DMD: variants seen among roughly 807,000 people sequenced by gnomAD.
DMD encodes mutant dystrophin.
DMD carries 63 observed loss-of-function variants against 330.1 expected under a neutral mutation model. The ratio of observed to expected loss-of-function variants is 0.19; its 90% CI spans 0.16 to 0.24. The LOEUF is 0.24. Ranked by LOEUF, DMD falls within the 10% of genes least tolerant of loss-of-function variation. The pLI, the probability that DMD is intolerant of heterozygous loss-of-function variation, is 1.00. For synonymous variants in DMD, 1,223 were observed against 959.8 expected (o/e 1.27, Z -5.07); for missense variants, 3,344 against 2,684.1 (o/e 1.25, Z -5.43).
At chrX:31,266,985 G>C in intron 62 of DMD, 1 of 866,506 alleles carries the variant, frequency 1.2e-6, no homozygotes, top group Non-Finnish European at 1.6e-6. Context: ...GCCGGGGAGG[G>C]GGCGCTGCGG....
intron 52 of DMD, among the ~76,000 whole-genome samples, chrX:31,704,676 A>G (rs1214412467): frequency 8.9e-6 from 1 of 111,752 alleles, no homozygotes. Flanking sequence ...ACAAAAAGAC[A>G]CACATACGTT....
chrX:32,343,175 AT>A lies in DMD; in HGVS notation c.5697del (p.Lys1899AsnfsTer2), dbSNP rs794727661. On this transcript the variant is annotated frameshift_variant, in exon 40 of 79. Transcript: ENST00000357033. LOFTEE classifies it high-confidence loss of function. ...LLKCLDDIEKKLASLPEPRDE... is the reference protein window; with the variant it reads ...LLKCLDDIEKXLASLPEPRDE... ...TCTCTGGGCTCAGGTAGGCTGGCTA[AT>A]TTTTTTTCAATGTCATCCAAGCATT... 8.3e-7 allele frequency: 1 copy of A among 1,209,729 alleles called. No homozygotes were observed. The highest frequency in any genetic ancestry group is 1.7e-5 in the African/African-American group (1 of 57,581).
chrX:31,415,479 C>T (rs763247346), intron 60 of DMD, among the ~76,000 whole-genome samples: 2 of 111,679 alleles, frequency 1.8e-5, no homozygotes, highest in Non-Finnish European at 3.8e-5. Flanking sequence ...CTATGGAGTC[C>T]AGAGGTAGGG....
chrX:31,214,003 A>G (rs1334272383), intron 64 of DMD, among the ~76,000 whole-genome samples: 1 of 111,902 alleles, frequency 8.9e-6, no homozygotes, highest in Non-Finnish European at 1.9e-5. Context: ...CTAAGGAGCT[A>G]ACAAAATGGA....
chrX:31,400,336 T>C (rs1247869277), intron 60 of DMD, among the ~76,000 whole-genome samples: 1 of 111,173 alleles, frequency 9.0e-6, no homozygotes, highest in East Asian at 2.8e-4. Context: ...AAGCCCCTCC[T>C]TGCTTCAAGT....
At chrX:33,222,328 T>C (rs1401889257) in intron 1 of DMD, among the ~76,000 whole-genome samples, 1 of 111,931 alleles carries the variant, frequency 8.9e-6, no homozygotes, top group Non-Finnish European at 1.9e-5. Flanking sequence ...CTAAAAGCAT[T>C]TGACAAACTG....
At chrX:31,176,326 G>T (rs1426531977) in intron 71 of DMD, among the ~76,000 whole-genome samples, 1 of 111,495 alleles carries the variant, frequency 9.0e-6, no homozygotes, top group Non-Finnish European at 1.9e-5. Flanking sequence ...TTAAATAAAA[G>T]ATGTTATTAA....
chrX:33,084,231 A>C lies in DMD; in HGVS notation c.32-64031T>G, dbSNP rs140716911. Among the ~76,000 whole-genome samples the C allele has an allele frequency of 4.8e-3, 537 of 112,048 alleles. 11 individuals carry two copies. The highest frequency in any genetic ancestry group is 0.043 in the Admixed American group (460 of 10,590). On this transcript the variant is annotated intron_variant, in intron 1 of 78. Transcript: ENST00000357033. ...CATCACTGAAAGGGGGCCACCAAACAACAGGCAGGTAGCCACAGGGGCAAT... is the reference window on the plus strand; with the variant it reads ...CATCACTGAAAGGGGGCCACCAAACCACAGGCAGGTAGCCACAGGGGCAAT...
chrX:32,156,605 A>G (rs1399138540), intron 44 of DMD, among the ~76,000 whole-genome samples: 2 of 105,067 alleles, frequency 1.9e-5, no homozygotes, highest in Non-Finnish European at 3.9e-5. Context: ...GTGTGTGTAT[A>G]CGTATACTTT....
intron 1 of DMD, among the ~76,000 whole-genome samples, chrX:33,035,440 T>G (rs182223575): frequency 1.8e-5 from 2 of 111,701 alleles, no homozygotes; most frequent in African/African-American, 6.5e-5. Context: ...GCACTATTTT[T>G]TTGTTGTTGT....
At chrX:32,318,059 G>A (rs2097590435) in intron 41 of DMD, among the ~76,000 whole-genome samples, 1 of 110,677 alleles carries the variant, frequency 9.0e-6, no homozygotes, top group South Asian at 3.8e-4. Context: ...ATCCAAAATA[G>A]GACTGCAGGC....
intron 1 of DMD, chrX:33,041,260 T>C: frequency 1.8e-6 from 1 of 567,951 alleles, no homozygotes; most frequent in South Asian, 2.7e-5. Flanking sequence ...TGATTTATTA[T>C]AAAAACTCCT....
chrX:32,053,408 C>T (rs1275787988), intron 44 of DMD, among the ~76,000 whole-genome samples: 1 of 111,039 alleles, frequency 9.0e-6, no homozygotes, highest in Non-Finnish European at 1.9e-5. Context: ...TAGATCAACA[C>T]AGAATGAATT....
intron 1 of DMD, among the ~76,000 whole-genome samples, chrX:33,226,782 TTATC>T (rs1348651389): frequency 5.5e-5 from 6 of 109,879 alleles, no homozygotes; most frequent in African/African-American, 1.3e-4. Flanking sequence ...GAATTTACAG[TTATC>T]TATCTATCTT....
At chrX:31,513,740 A>G (rs1479659625) in intron 55 of DMD, among the ~76,000 whole-genome samples, 2 of 111,765 alleles carry the variant, frequency 1.8e-5, no homozygotes, top group African/African-American at 6.5e-5. Flanking sequence ...CAGCAGCAAG[A>G]ACAACAACAT....
intron 9 of DMD, among the ~76,000 whole-genome samples, chrX:32,690,337 G>A (rs1270611069): frequency 9.0e-6 from 1 of 111,217 alleles, no homozygotes; most frequent in Admixed American, 9.6e-5. Context: ...ATAAAACATT[G>A]ATGAAAGAAA....
intron 52 of DMD, among the ~76,000 whole-genome samples, chrX:31,716,220 C>A (rs908136770): frequency 3.6e-5 from 4 of 112,074 alleles, no homozygotes. Flanking sequence ...CACCAGTTCT[C>A]CCACTTTTCC....
intron 29 of DMD, among the ~76,000 whole-genome samples, chrX:32,413,826 T>G (rs938267807): frequency 1.9e-5 from 2 of 107,511 alleles, no homozygotes; most frequent in African/African-American, 6.8e-5. Context: ...GTTCAAGTGA[T>G]TCTCCTGCCT....
At chrX:32,746,729 G>C (rs1053678497) in intron 7 of DMD, among the ~76,000 whole-genome samples, 7 of 111,366 alleles carry the variant, frequency 6.3e-5, no homozygotes, top group African/African-American at 2.3e-4. Context: ...CTCTCTTCTA[G>C]CTATTTAAAC....
Sources: gnomAD v4.1 joint callset for allele counts (sites outside exome capture counted in the v4.1 genomes callset) on GRCh38, gnomAD v4.1.1 for gene constraint, MANE v1.5 for transcripts, NCBI Gene and HGNC (gene_info 2026-07-23, HGNC 2026-07-21) for gene names.